The following MOCOS variants were observed in gnomAD, a reference collection of about 807,000 sequenced individuals.
The protein encoded by MOCOS is molybdenum cofactor sulfurase.
MOCOS carries 86 observed loss-of-function variants against 83.6 expected under a neutral mutation model. The observed-to-expected ratio is 1.03, with a 90% confidence interval of 0.86 to 1.23. MOCOS has a LOEUF of 1.23. MOCOS is among the 50% of genes most tolerant of loss of function. The pLI is 0.00. For synonymous variants in MOCOS, 445 were observed against 434.7 expected (o/e 1.02, Z -0.29); for missense variants, 1,120 against 1,126.9 (o/e 0.99, Z 0.09).
intron 3 of MOCOS, among the ~76,000 whole-genome samples, chr18:36,199,458 C>T (rs747416289): frequency 6.6e-6 from 1 of 152,220 alleles, no homozygotes; most frequent in Non-Finnish European, 1.5e-5. Flanking sequence ...TTTTGTCATA[C>T]ATATCCAATT....
intron 1 of MOCOS, among the ~76,000 whole-genome samples, chr18:36,192,866 C>G (rs1367015086): frequency 6.6e-6 from 1 of 152,044 alleles, no homozygotes; most frequent in Non-Finnish European, 1.5e-5. Context: ...CCAGGCTGGT[C>G]TTGAACTCCT....
intron 11 of MOCOS, among the ~76,000 whole-genome samples, chr18:36,254,334 C>A (rs2091632876): frequency 6.6e-6 from 1 of 151,956 alleles, no homozygotes; most frequent in Non-Finnish European, 1.5e-5. Flanking sequence ...TAAACATTGT[C>A]ATTTTAAATT....
chr18:36,255,046 A>G (rs599457), intron 11 of MOCOS, among the ~76,000 whole-genome samples: 64,492 of 151,782 alleles, frequency 0.42, 14,143 homozygotes, highest in Admixed American at 0.55. Context: ...CGTAGTACAC[A>G]GTTGATCAAA....
Position 36,201,732 on chromosome 18 carries a change from T to C in MOCOS, c.942-1381T>C, listed in dbSNP as rs72890612. 9.4e-3 allele frequency among the ~76,000 whole-genome samples: 1,420 copies of C among 150,292 alleles called. 21 individuals carry two copies. The highest frequency in any genetic ancestry group is 0.015 in the Non-Finnish European group (1,010 of 67,782). ...TAACATGGGTGAAGTATCAGAATGG[T>C]AGGGATCAATGTTAGGAGGCTATTT... On this transcript the variant is annotated intron_variant, in intron 4 of 14. Coordinates refer to ENST00000261326, the MANE Select transcript of MOCOS (RefSeq NM_017947.4).
chr18:36,211,814 C>G (rs1286052651), intron 6 of MOCOS, among the ~76,000 whole-genome samples: 2 of 151,378 alleles, frequency 1.3e-5, no homozygotes, highest in African/African-American at 2.5e-5. Flanking sequence ...TGGGTCTTCC[C>G]CTAGAATCTG....
chr18:36,251,585 AT>A (rs1375872441), intron 11 of MOCOS, among the ~76,000 whole-genome samples: 1 of 152,176 alleles, frequency 6.6e-6, no homozygotes, highest in African/African-American at 2.4e-5. Context: ...AAAAACCCTA[AT>A]AGCTTGCTAT....
chr18:36,238,077 A>C (rs1399270395), intron 9 of MOCOS, among the ~76,000 whole-genome samples: 7 of 149,680 alleles, frequency 4.7e-5, no homozygotes, highest in Non-Finnish European at 9.0e-5. Context: ...ATCCTTTCAA[A>C]AAACCAGCTC....
chr18:36,247,362 T>C (rs1484684792), intron 9 of MOCOS, among the ~76,000 whole-genome samples: 1 of 152,236 alleles, frequency 6.6e-6, no homozygotes, highest in Non-Finnish European at 1.5e-5. Flanking sequence ...TCTACGCTTG[T>C]ATCTTTACTT....
At chr18:36,240,191 T>G in intron 9 of MOCOS, among the ~76,000 whole-genome samples, 2 of 138,730 alleles carry the variant, frequency 1.4e-5, no homozygotes, top group African/African-American at 2.8e-5. Context: ...GCTGCGTTCC[T>G]TTGGAGGAGG....
chr18:36,207,659 ATTGAT>A (rs1422323456), intron 6 of MOCOS, among the ~76,000 whole-genome samples: 27 of 151,914 alleles, frequency 1.8e-4, no homozygotes, highest in African/African-American at 6.0e-4. Flanking sequence ...TTTTTTGCTT[ATTGAT>A]TTAAGTTCCT....
intron 4 of MOCOS, among the ~76,000 whole-genome samples, chr18:36,202,433 A>T (rs918136236): frequency 6.6e-6 from 1 of 152,102 alleles, no homozygotes; most frequent in African/African-American, 2.4e-5. Context: ...GCCTCAAGTG[A>T]TCCTCCCACC....
chr18:36,219,141 A>G (rs1021675566), intron 8 of MOCOS, among the ~76,000 whole-genome samples: 2 of 151,266 alleles, frequency 1.3e-5, no homozygotes, highest in African/African-American at 2.4e-5. Context: ...TGCTGGGATT[A>G]TAGGAATGAG....
intron 6 of MOCOS, among the ~76,000 whole-genome samples, chr18:36,206,469 C>A (rs965109608): frequency 1.3e-5 from 2 of 151,926 alleles, no homozygotes; most frequent in Non-Finnish European, 2.9e-5. Context: ...TGGTCTTGAA[C>A]TCCTGACCTC....
chr18:36,217,314 A>G (rs752491084), intron 8 of MOCOS, among the ~76,000 whole-genome samples: 4 of 152,238 alleles, frequency 2.6e-5, no homozygotes, highest in Non-Finnish European at 4.4e-5. Context: ...TGAAACGTTT[A>G]TGGGAGCTCT....
chr18:36,200,459 G>A, intron 4 of MOCOS, 135 bp downstream of exon 4: 1 of 1,137,922 alleles, frequency 8.8e-7, no homozygotes, highest in Non-Finnish European at 1.2e-6. Context: ...GGGACAGGCT[G>A]ATGGCAGGGC....
At chr18:36,265,385 A>T (rs2091678642) in intron 13 of MOCOS, among the ~76,000 whole-genome samples, 1 of 152,206 alleles carries the variant, frequency 6.6e-6, no homozygotes, top group Admixed American at 6.5e-5. Context: ...CTTCGGGTCT[A>T]ATCAGTGATT....
In MOCOS at chr18:36,199,836, C is replaced by T; in HGVS notation, c.453C>T (p.Ser151=). ...GTCGCTTCTGTTACCTCACCGACAGCCACACCTCCGTAGTGGGTATGCGGA... is the reference window on the plus strand; with the variant it reads ...GTCGCTTCTGTTACCTCACCGACAGTCACACCTCCGTAGTGGGTATGCGGA... The part of the protein sequence containing the change: ...SGSRFCYLTD[S]HTSVVGMRNV... Residue 151 remains serine, a synonymous_variant, in exon 4 of 15, where the codon AGC becomes AGT. Transcript: ENST00000261326. The T allele has an allele frequency of 6.2e-7, 1 of 1,614,156 alleles. No homozygotes were observed. The highest frequency in any genetic ancestry group is 8.5e-7 in the Non-Finnish European group (1 of 1,180,028).
At chr18:36,263,736 CTT>C (rs2091671972) in intron 13 of MOCOS, among the ~76,000 whole-genome samples, 1 of 152,150 alleles carries the variant, frequency 6.6e-6, no homozygotes, top group East Asian at 1.9e-4. Context: ...AGTGCTTTCT[CTT>C]TTAATTCTTC....
intron 2 of MOCOS, among the ~76,000 whole-genome samples, chr18:36,196,771 C>G (rs901765713): frequency 6.6e-6 from 1 of 151,624 alleles, no homozygotes; most frequent in East Asian, 1.9e-4. Flanking sequence ...TAAAGCCAAG[C>G]AGAGGAAAGG....
Sources: allele counts gnomAD v4.1 joint callset (sites outside exome capture counted in the v4.1 genomes callset), GRCh38; gene constraint gnomAD v4.1.1; transcripts MANE v1.5; gene names NCBI Gene and HGNC (gene_info 2026-07-23, HGNC 2026-07-21).